CFAP20DC: variants seen among roughly 807,000 people sequenced by gnomAD.
CFAP20DC encodes the protein protein CFAP20DC.
Under a neutral mutation model 101.7 loss-of-function variants are expected in CFAP20DC, and 84 were observed. The ratio of observed to expected loss-of-function variants is 0.83; its 90% CI spans 0.69 to 0.99. The LOEUF (loss-of-function observed/expected upper bound fraction) is 0.99, where lower values mean the gene tolerates loss of function less well. Among genes scored for constraint, CFAP20DC ranks in the 50% least tolerant of loss-of-function variants. CFAP20DC has a pLI of 0.00. For missense variants in CFAP20DC, 1,007 were observed against 970.3 expected, an observed-to-expected ratio of 1.04 and a Z score of -0.50; for synonymous variants, 359 against 351.2, an observed-to-expected ratio of 1.02 and a Z score of -0.25.
rs2093673563 is a variant in CFAP20DC at position 59,015,648 on chromosome 3, C to G, written c.278+23909G>C. Among the ~76,000 whole-genome samples the G allele has an allele frequency of 6.6e-6, 1 of 152,040 alleles. No individual in the cohort carries two copies. On this transcript the variant is annotated intron_variant, in intron 4 of 16. Transcript: ENST00000482387. This position sits in a 1 kb window ranked among gnomAD's most constrained non-coding sequence, Gnocchi z 5.4. ...CTCTAGTTTATTCACATTTACATCACTTTAGGAATTAGTTGCATTCCTGAA... is the reference window on the plus strand; with the variant it reads ...CTCTAGTTTATTCACATTTACATCAGTTTAGGAATTAGTTGCATTCCTGAA...
chr3:58,883,161 C>T (rs2081351023), intron 7 of CFAP20DC, among the ~76,000 whole-genome samples: 1 of 152,144 alleles, frequency 6.6e-6, no homozygotes, highest in African/African-American at 2.4e-5. Flanking sequence ...CTCTCTCATC[C>T]CCATCTATTA....
At chr3:58,972,152 G>T (rs2091987128) in intron 4 of CFAP20DC, among the ~76,000 whole-genome samples, 1 of 152,000 alleles carries the variant, frequency 6.6e-6, no homozygotes, top group East Asian at 1.9e-4. Context: ...TCTCAAAAAA[G>T]ACATTACACA....
intron 14 of CFAP20DC, among the ~76,000 whole-genome samples, chr3:58,820,807 T>G (rs1314945036): frequency 3.4e-5 from 5 of 148,114 alleles, no homozygotes; most frequent in Admixed American, 6.7e-5. Flanking sequence ...AAAGTTCATA[T>G]GGAACCAAAA....
At chr3:58,816,906 GA>G (rs1278550487) in intron 14 of CFAP20DC, among the ~76,000 whole-genome samples, 2 of 152,198 alleles carry the variant, frequency 1.3e-5, no homozygotes, top group African/African-American at 4.8e-5. Context: ...CAGCTTGGAA[GA>G]GAGCAGTGGT....
chr3:58,904,346 T>C (rs890993581), intron 6 of CFAP20DC, among the ~76,000 whole-genome samples: 2 of 152,090 alleles, frequency 1.3e-5, no homozygotes, highest in African/African-American at 4.8e-5. Context: ...ATCAGAATAA[T>C]TGTGAGTCTT....
chr3:58,829,799 G>A (rs1199570000), intron 14 of CFAP20DC, among the ~76,000 whole-genome samples: 4 of 152,184 alleles, frequency 2.6e-5, no homozygotes, highest in African/African-American at 9.7e-5. Context: ...GGGCAACCAA[G>A]AGTTCAGCCT....
chr3:58,720,823 A>G (rs2067462869), intron 3 of CFAP20DC, among the ~76,000 whole-genome samples: 2 of 152,216 alleles, frequency 1.3e-5, no homozygotes, highest in African/African-American at 4.8e-5. Context: ...AGAAATATTT[A>G]TACTTCTCTT....
At chr3:58,908,989 G>T (rs1379901929) in intron 6 of CFAP20DC, among the ~76,000 whole-genome samples, 2 of 152,218 alleles carry the variant, frequency 1.3e-5, no homozygotes, top group East Asian at 3.9e-4. Context: ...GTTGCCAGGG[G>T]TTAGGGGAAG....
chr3:58,967,025 A>G (rs1477805650), intron 4 of CFAP20DC, among the ~76,000 whole-genome samples: 1 of 152,178 alleles, frequency 6.6e-6, no homozygotes, highest in African/African-American at 2.4e-5. Flanking sequence ...CTGATTCTAA[A>G]ATATGGAAAT....
At chr3:58,977,105 T>A (rs1290949333) in intron 4 of CFAP20DC, among the ~76,000 whole-genome samples, 1 of 152,242 alleles carries the variant, frequency 6.6e-6, no homozygotes, top group Non-Finnish European at 1.5e-5. Flanking sequence ...TTAAGTATTG[T>A]TTGAATCAAT....
intron 6 of CFAP20DC, among the ~76,000 whole-genome samples, chr3:58,889,407 G>A (rs1353582300): frequency 2.6e-5 from 4 of 152,122 alleles, no homozygotes; most frequent in Admixed American, 6.5e-5. Flanking sequence ...AATTGTCAGT[G>A]AAACTTCAAA....
intron 3 of CFAP20DC, chr3:58,726,873 A>G: frequency 7.7e-6 from 2 of 261,056 alleles, no homozygotes; most frequent in Non-Finnish European, 1.5e-5. Context: ...ATCAGAAGAG[A>G]CAAGAATGAC....
chr3:58,790,669 C>T (rs1283997405), intron 15 of CFAP20DC, among the ~76,000 whole-genome samples: 1 of 152,124 alleles, frequency 6.6e-6, no homozygotes, highest in Non-Finnish European at 1.5e-5. Context: ...GATATGGGAA[C>T]TAAAACTATG....
intron 6 of CFAP20DC, among the ~76,000 whole-genome samples, chr3:58,891,175 C>T (rs1242660445): frequency 2.6e-5 from 4 of 152,172 alleles, no homozygotes; most frequent in Non-Finnish European, 5.9e-5. Flanking sequence ...GCAATCCCGG[C>T]ACCTTGGGAG....
intron 13 of CFAP20DC, among the ~76,000 whole-genome samples, chr3:58,835,640 C>T (rs2076686798): frequency 6.6e-6 from 1 of 152,146 alleles, no homozygotes; most frequent in South Asian, 2.1e-4. Flanking sequence ...CTGGAAGGGG[C>T]AGCCAAAATC....
intron 4 of CFAP20DC, among the ~76,000 whole-genome samples, chr3:59,020,723 G>A (rs2093786727): frequency 6.6e-6 from 1 of 152,070 alleles, no homozygotes; most frequent in African/African-American, 2.4e-5. Flanking sequence ...TATATGAGGA[G>A]AAGCTTTAAA....
chr3:58,770,145 T>C (rs945513034), intron 15 of CFAP20DC, among the ~76,000 whole-genome samples: 1 of 152,244 alleles, frequency 6.6e-6, no homozygotes, highest in African/African-American at 2.4e-5. Flanking sequence ...CTATTACATA[T>C]GTAGATAATT....
intron 15 of CFAP20DC, among the ~76,000 whole-genome samples, chr3:58,783,903 G>C (rs963409869): frequency 1.4e-4 from 22 of 152,084 alleles, no homozygotes; most frequent in African/African-American, 5.3e-4. Context: ...GATTTGTTAT[G>C]TGGGTATATT....
At chr3:58,821,325 A>G (rs921214134) in intron 14 of CFAP20DC, among the ~76,000 whole-genome samples, 2 of 152,244 alleles carry the variant, frequency 1.3e-5, no homozygotes, top group East Asian at 3.9e-4. Context: ...GCTTCTGCAC[A>G]GCAAAAGAAA....
Sources: allele counts gnomAD v4.1 joint callset (sites outside exome capture counted in the v4.1 genomes callset), GRCh38; gene constraint gnomAD v4.1.1; non-coding constraint Gnocchi (gnomAD v3.1); transcripts MANE v1.5; gene names NCBI Gene and HGNC (gene_info 2026-07-23, HGNC 2026-07-21).